The following BBX variants were observed in gnomAD, a reference collection of about 807,000 sequenced individuals.
BBX encodes HMG box transcription factor BBX.
BBX carries 30 observed loss-of-function variants against 100.2 expected under a neutral mutation model. That is an observed-to-expected ratio of 0.30 (90% CI 0.22 to 0.41). The LOEUF (loss-of-function observed/expected upper bound fraction) is 0.41. Ranked by LOEUF, BBX falls within the 10% of genes least tolerant of loss-of-function variation. The probability of loss-of-function intolerance (pLI) is 1.00; values close to 1 mark genes in which losing one functional copy is unlikely to be tolerated. For synonymous variants in BBX, 376 were observed against 388.1 expected, an observed-to-expected ratio of 0.97 and a Z score of 0.37; for missense variants, 1,023 against 1,129.8, an observed-to-expected ratio of 0.91 and a Z score of 1.35.
chr3:107,664,715 CTG>C (rs2058650504), intron 3 of BBX, among the ~76,000 whole-genome samples: 1 of 152,212 alleles, frequency 6.6e-6, no homozygotes, highest in South Asian at 2.1e-4. Context: ...TAAATGAAAA[CTG>C]TCAGCTGTTT....
chr3:107,713,086 T>C (rs560187266), intron 4 of BBX, among the ~76,000 whole-genome samples: 1 of 152,342 alleles, frequency 6.6e-6, no homozygotes, highest in African/African-American at 2.4e-5. Flanking sequence ...CTGATTTCTC[T>C]CATTTGAGAA....
At chr3:107,721,539 T>C (rs1385644145) in intron 5 of BBX, among the ~76,000 whole-genome samples, 1 of 151,970 alleles carries the variant, frequency 6.6e-6, no homozygotes, top group Non-Finnish European at 1.5e-5. Flanking sequence ...AACCTAAAGA[T>C]GTGTGGTTTG....
intron 10 of BBX, among the ~76,000 whole-genome samples, chr3:107,767,011 A>G (rs1244143997): frequency 1.3e-5 from 2 of 152,212 alleles, no homozygotes; most frequent in South Asian, 4.1e-4. Context: ...ATGAGAACAC[A>G]TGGACACAGG....
At chr3:107,764,315 A>G (rs578145097) in intron 10 of BBX, among the ~76,000 whole-genome samples, 3 of 152,318 alleles carry the variant, frequency 2.0e-5, no homozygotes, top group Admixed American at 6.5e-5. Context: ...ATAGGCTTAA[A>G]GTAACTCTTT....
At position 107,694,992 on chromosome 3, in the gene BBX, T is replaced by G. The variant is rs545165294; in HGVS notation, c.-9-15460T>G. On this transcript the variant is annotated intron_variant, in intron 3 of 17. Transcript: ENST00000325805. ...TCTAGTTTATTTGTGTAGAGGTGTTTGTAGTATTCTCTGATGGTAGTTTGT... is the reference window on the plus strand; with the variant it reads ...TCTAGTTTATTTGTGTAGAGGTGTTGGTAGTATTCTCTGATGGTAGTTTGT... Among the ~76,000 whole-genome samples, 16 of 151,570 alleles carry G rather than the reference T, an allele frequency of 1.1e-4. No homozygotes were observed. The South Asian group carries it at 3.3e-3, about 32-fold the overall frequency.
intron 2 of BBX, among the ~76,000 whole-genome samples, chr3:107,547,055 AGCTATTCAAG>A (rs1433459023): frequency 1.3e-5 from 2 of 152,198 alleles, no homozygotes; most frequent in African/African-American, 4.8e-5. Flanking sequence ...AATGTATAAG[AGCTATTCAAG>A]TAACAGTTAT....
chr3:107,733,603 G>T (rs2063455232), intron 7 of BBX, among the ~76,000 whole-genome samples: 2 of 151,942 alleles, frequency 1.3e-5, no homozygotes, highest in South Asian at 4.1e-4. Context: ...CAGCCTTTTG[G>T]GTGGCTTGGA....
At chr3:107,563,427 A>C (rs902438004) in intron 2 of BBX, among the ~76,000 whole-genome samples, 1 of 152,208 alleles carries the variant, frequency 6.6e-6, no homozygotes, top group Non-Finnish European at 1.5e-5. Context: ...TTTTCTGGTC[A>C]GTCATTGCTG....
chr3:107,648,455 T>A (rs915860750), intron 3 of BBX, among the ~76,000 whole-genome samples: 4 of 152,174 alleles, frequency 2.6e-5, no homozygotes, highest in Non-Finnish European at 4.4e-5. Flanking sequence ...TACCTATGTA[T>A]AATAGGTTAC....
intron 2 of BBX, among the ~76,000 whole-genome samples, chr3:107,559,258 A>G (rs67657561): frequency 0.016 from 2,470 of 152,342 alleles, 47 homozygotes; most frequent in African/African-American, 0.038. Flanking sequence ...GGGAAATTTT[A>G]GGAAAAGAAA....
chr3:107,751,124 G>A (rs1306458104), intron 9 of BBX, among the ~76,000 whole-genome samples: 2 of 152,042 alleles, frequency 1.3e-5, no homozygotes, highest in Non-Finnish European at 2.9e-5. Flanking sequence ...TATTGTTAAG[G>A]CATTTATTAA....
chr3:107,801,354 T>A (rs774688764), intron 17 of BBX, 73 bp downstream of exon 17: 1 of 1,512,550 alleles, frequency 6.6e-7, no homozygotes, highest in East Asian at 2.3e-5. Context: ...TTTGTGACAT[T>A]TTTTACAGGG....
chr3:107,706,622 G>A (rs1237974736), intron 3 of BBX, among the ~76,000 whole-genome samples: 1 of 152,132 alleles, frequency 6.6e-6, no homozygotes, highest in Non-Finnish European at 1.5e-5. Flanking sequence ...AATGCAGAAT[G>A]GAAGAATAAC....
chr3:107,556,162 CTT>C (rs2050082819), intron 2 of BBX, among the ~76,000 whole-genome samples: 1 of 152,144 alleles, frequency 6.6e-6, no homozygotes, highest in South Asian at 2.1e-4. Context: ...TTATATCACT[CTT>C]TGCTGCTGTC....
At chr3:107,611,912 T>C (rs1398752194) in intron 2 of BBX, among the ~76,000 whole-genome samples, 1 of 152,050 alleles carries the variant, frequency 6.6e-6, no homozygotes, top group Non-Finnish European at 1.5e-5. Context: ...TGCTTTATTC[T>C]TTTTTTCTTT....
intron 2 of BBX, among the ~76,000 whole-genome samples, chr3:107,643,413 G>T (rs1156671571): frequency 6.6e-6 from 1 of 151,982 alleles, no homozygotes; most frequent in Admixed American, 6.6e-5. Context: ...CTGGGAGGGG[G>T]GTGTGCAGTG....
At chr3:107,727,489 A>G (rs1171154137) in intron 5 of BBX, among the ~76,000 whole-genome samples, 1 of 152,110 alleles carries the variant, frequency 6.6e-6, no homozygotes, top group South Asian at 2.1e-4. Flanking sequence ...TGTAAGAAAA[A>G]TGGGACTGTA....
chr3:107,786,351 AAAAAC>A (rs2068424383), intron 13 of BBX, among the ~76,000 whole-genome samples: 1 of 152,174 alleles, frequency 6.6e-6, no homozygotes, highest in African/African-American at 2.4e-5. Context: ...GATATTCAGA[AAAAAC>A]AAAACAATCT....
intron 2 of BBX, among the ~76,000 whole-genome samples, chr3:107,589,255 C>G (rs1245777638): frequency 2.6e-5 from 4 of 152,186 alleles, no homozygotes; most frequent in Non-Finnish European, 5.9e-5. Flanking sequence ...TGACCATCAT[C>G]TTGAGTTCTT....
Sources: allele counts gnomAD v4.1 joint callset (sites outside exome capture counted in the v4.1 genomes callset), GRCh38; gene constraint gnomAD v4.1.1; transcripts MANE v1.5; gene names NCBI Gene and HGNC (gene_info 2026-07-23, HGNC 2026-07-21).